Variants in GOLGA4 observed in about 807,000 individuals in gnomAD.
GOLGA4 encodes golgin A4, also known as golgin subfamily A member 4.
In GOLGA4, 169 loss-of-function variants were observed where a neutral mutation model predicts 265.9. The observed-to-expected ratio is 0.64, with a 90% CI of 0.56 to 0.72. The LOEUF (loss-of-function observed/expected upper bound fraction) is 0.72, where lower values mean the gene tolerates loss of function less well. GOLGA4 is among the 30% of genes least tolerant of loss of function. The pLI is 0.00. For synonymous variants in GOLGA4, 923 were observed against 855.8 expected, an observed-to-expected ratio of 1.08 and a Z score of -1.37; for missense variants, 2,482 against 2,483.4, an observed-to-expected ratio of 1.00 and a Z score of 0.01.
At chr3:37,281,935 A>G in intron 2 of GOLGA4, 23 bp from the exon 3 acceptor site, 1 of 1,573,182 alleles carries the variant, frequency 6.4e-7, no homozygotes, top group African/African-American at 1.4e-5. Context: ...TAATCCACAC[A>G]TTCTGTTGGG....
rs756452160 is a variant in GOLGA4, at chr3:37,319,140, C to T, written c.1491C>T (p.Thr497=). The T allele has an allele frequency of 6.2e-7, 1 of 1,610,716 alleles. No homozygotes were observed. Among genetic ancestry groups the T allele is most frequent in the South Asian group, 1.1e-5 (1 of 90,606 alleles). The change falls in exon 12 of 24, where the codon ACC becomes ACT. Residue 497 remains threonine (T), a synonymous_variant. Coordinates refer to ENST00000361924, the MANE Select transcript of GOLGA4 (RefSeq NM_002078.5). The part of the protein sequence containing the change: ...KELARKEQEL[T]KKLQTREREF... ...TGGCCAGAAAAGAGCAGGAACTGAC[C>T]AAGAAGCTTCAGACCCGAGAAAGGG...
At chr3:37,255,942 AAACACTT>A (rs773999815) in intron 2 of GOLGA4, among the ~76,000 whole-genome samples, 52 of 152,240 alleles carry the variant, frequency 3.4e-4, no homozygotes, top group Middle Eastern at 3.4e-3. Context: ...ACAAACAAAA[AAACACTT>A]AACACTTAAA....
intron 2 of GOLGA4, among the ~76,000 whole-genome samples, chr3:37,262,241 C>T (rs1560287103): frequency 1.3e-5 from 2 of 152,288 alleles, no homozygotes; most frequent in South Asian, 2.1e-4. Context: ...CGTGGTGGCT[C>T]ACGCCTGTAA....
In GOLGA4 at chr3:37,347,389, A is replaced by G. The variant is rs191998255; in HGVS notation, c.6576+93A>G. 1.6e-3 allele frequency: 1,122 copies of G among 693,970 alleles called. 18 individuals carry two copies. The South Asian group carries it at 0.019, about 12-fold the overall frequency. 43.0% of individuals were successfully genotyped at this position (693,970 alleles called of 1,614,324 possible). ...CACATGTGAATGCCATATGTTTACT[A>G]TTAGCAAATCAGACATGCTAATAGT... On this transcript the variant is annotated intron_variant, in intron 21 of 23. Transcript: ENST00000361924.
intron 16 of GOLGA4, among the ~76,000 whole-genome samples, chr3:37,331,114 A>G (rs1052428928): frequency 6.6e-6 from 1 of 152,154 alleles, no homozygotes; most frequent in Non-Finnish European, 1.5e-5. Flanking sequence ...TTAAAAAAAA[A>G]GGAAACAGGT....
chr3:37,320,922 T>C (rs2096953123), intron 12 of GOLGA4, among the ~76,000 whole-genome samples: 1 of 152,184 alleles, frequency 6.6e-6, no homozygotes, highest in South Asian at 2.1e-4. Flanking sequence ...AAATTAATGC[T>C]ATGGAAACTA....
At chr3:37,273,413 T>G in intron 2 of GOLGA4, 1 of 615,812 alleles carries the variant, frequency 1.6e-6, no homozygotes, top group East Asian at 2.8e-5. Context: ...AATGAACAAT[T>G]ACTAATTTTG....
chr3:37,343,754 T>G (rs2097046890), intron 20 of GOLGA4, among the ~76,000 whole-genome samples: 1 of 152,218 alleles, frequency 6.6e-6, no homozygotes, highest in Non-Finnish European at 1.5e-5. Flanking sequence ...TGAGCAGAGT[T>G]AGGTTTGATT....
chr3:37,327,949 A>G, intron 14 of GOLGA4, 124 bp downstream of exon 14: 1 of 714,106 alleles, frequency 1.4e-6, no homozygotes, highest in Admixed American at 3.1e-5. Flanking sequence ...AATATTAAAC[A>G]TAAATCCAAT....
At chr3:37,292,310 T>C (rs1365707499) in intron 5 of GOLGA4, among the ~76,000 whole-genome samples, 2 of 152,166 alleles carry the variant, frequency 1.3e-5, no homozygotes, top group South Asian at 2.1e-4. Flanking sequence ...GGAGTTGTCA[T>C]AGGGCCACTA....
chr3:37,265,476 T>C (rs1484524095), intron 2 of GOLGA4, among the ~76,000 whole-genome samples: 1 of 152,234 alleles, frequency 6.6e-6, no homozygotes, highest in African/African-American at 2.4e-5. Context: ...TTTTTGAATA[T>C]GTAAAAATGG....
chr3:37,365,577 T>C (rs968092634), intron 23 of GOLGA4, among the ~76,000 whole-genome samples: 1 of 152,040 alleles, frequency 6.6e-6, no homozygotes, highest in Admixed American at 6.6e-5. Flanking sequence ...CTGTCATCTT[T>C]AATTCCAGTC....
At chr3:37,293,114 G>A (rs569147166) in intron 5 of GOLGA4, among the ~76,000 whole-genome samples, 1 of 152,330 alleles carries the variant, frequency 6.6e-6, no homozygotes, top group South Asian at 2.1e-4. Flanking sequence ...TCTAGCAAAT[G>A]TGTGAGGGAT....
At chr3:37,304,026 A>G (rs1236080401) in intron 10 of GOLGA4, among the ~76,000 whole-genome samples, 6 of 152,294 alleles carry the variant, frequency 3.9e-5, no homozygotes, top group Non-Finnish European at 8.8e-5. Context: ...AGGCATTGTG[A>G]CTCAGAGTCT....
chr3:37,300,747 C>T (rs916555210), intron 9 of GOLGA4, among the ~76,000 whole-genome samples: 1 of 151,994 alleles, frequency 6.6e-6, no homozygotes, highest in Non-Finnish European at 1.5e-5. Context: ...AATACTATAA[C>T]CACATTATCA....
At chr3:37,296,306 G>A (rs2096878232) in intron 7 of GOLGA4, 87 bp downstream of exon 7, 1 of 1,346,232 alleles carries the variant, frequency 7.4e-7, no homozygotes, top group South Asian at 1.3e-5. Context: ...AACACTTTGG[G>A]AGGCCAGTGT....
rs1560279127 is a variant in GOLGA4 at position 37,257,900 on chromosome 3, T to TATATATATATATGTATATATACATAC, written c.162+6428_162+6429insGTATATATACATACATATATATATAT. 1.7e-5 allele frequency among the ~76,000 whole-genome samples: 2 copies of TATATATATATATGTATATATACATAC among 120,086 alleles called. 1 individual carries two copies. The highest frequency in any genetic ancestry group is 4.7e-4 in the South Asian group (2 of 4,298). 78.8% of individuals were successfully genotyped at this position (120,086 alleles called of 152,430 possible). On this transcript the variant is annotated intron_variant, in intron 2 of 23. Coordinates refer to ENST00000361924, the MANE Select transcript of GOLGA4 (RefSeq NM_002078.5). ...GTGTGTTTTCATATATATACATATATATATATATATATATGTATGTATATA... is the reference window on the plus strand; with the variant it reads ...GTGTGTTTTCATATATATACATATATATATATATATATGTATATATACATACATATATATATATATGTATGTATATA...
Position 37,323,585 on chromosome 3 carries a change from C to T in GOLGA4, c.1702-3C>T. 1 of 1,528,684 alleles carries T rather than the reference C, an allele frequency of 6.5e-7. No individual in the cohort carries two copies. The highest frequency in any genetic ancestry group is 8.8e-7 in the Non-Finnish European group (1 of 1,136,204). The allele number at this position is 1,528,684 out of a possible 1,614,324, so 94.7% of individuals were successfully genotyped here. On this transcript the variant is annotated splice_region_variant and splice_polypyrimidine_tract_variant and intron_variant, in intron 13 of 23. Transcript: ENST00000361924. ...TAAAAATGCATCTGTTTTTAATTAA[C>T]AGAGAATTCTTGAATTGGAAAGTTC...
At chr3:37,246,187 A>G (rs1429605480) in intron 1 of GOLGA4, among the ~76,000 whole-genome samples, 1 of 152,032 alleles carries the variant, frequency 6.6e-6, no homozygotes, top group Non-Finnish European at 1.5e-5. Context: ...CACACCTGTA[A>G]TCCTGGCTAC....
Sources: allele counts gnomAD v4.1 joint callset (sites outside exome capture counted in the v4.1 genomes callset), GRCh38; gene constraint gnomAD v4.1.1; transcripts MANE v1.5; gene names NCBI Gene and HGNC (gene_info 2026-07-23, HGNC 2026-07-21).